The following FDFT1 variants were observed in gnomAD, a reference collection of about 807,000 sequenced individuals.
FDFT1 encodes the protein farnesyl-diphosphate farnesyltransferase 1.
A neutral mutation model predicts 46.8 loss-of-function variants in FDFT1; 68 were observed. That is an observed-to-expected ratio of 1.45 (90% confidence interval 1.19 to 1.78). The LOEUF is 1.78. Among genes scored for constraint, FDFT1 ranks in the 40% most tolerant of loss-of-function variants. FDFT1 has a pLI of 0.00. For missense variants in FDFT1, 928 were observed against 524.4 expected (o/e 1.77, Z -7.52); for synonymous variants, 351 against 185.1 (o/e 1.90, Z -7.28).
chr8:11,823,650 C>G (rs1188548179), intron 4 of FDFT1, among the ~76,000 whole-genome samples: 2 of 152,168 alleles, frequency 1.3e-5, no homozygotes, highest in East Asian at 3.8e-4. Context: ...ACAAGGCAGC[C>G]TTGACCTTCT....
Position 11,837,001 on chromosome 8 carries a change from CGT to C in FDFT1, c.1033-1386_1033-1385del, listed in dbSNP as rs760745977. ...GAAAACTACAGATGGTCCATTTCCA[CGT>C]AAGTGGAAAGGTAAAGGTATGTACA... On this transcript the variant is annotated intron_variant, in intron 7 of 7. Coordinates refer to ENST00000220584, the MANE Select transcript of FDFT1 (RefSeq NM_004462.5). 8.9e-3 allele frequency among the ~76,000 whole-genome samples: 1,354 copies of C among 152,322 alleles called. 14 individuals carry two copies. The highest frequency in any genetic ancestry group is 0.031 in the Middle Eastern group (9 of 294).
At chr8:11,795,591 C>G (rs980695888) in exon 1 of FDFT1, 5 of 129,248 alleles carry the variant, frequency 3.9e-5, no homozygotes, top group Admixed American at 1.6e-4. Context: ...TGGCAACACG[C>G]TGGGTTTGCT....
At chr8:11,807,612 T>A (rs1481261383) in intron 1 of FDFT1, among the ~76,000 whole-genome samples, 2 of 152,214 alleles carry the variant, frequency 1.3e-5, no homozygotes, top group Non-Finnish European at 2.9e-5. Flanking sequence ...AAAAAATACA[T>A]AGTACAAACA....
At chr8:11,832,661 C>T (rs76237518) in intron 7 of FDFT1, among the ~76,000 whole-genome samples, 5,502 of 150,846 alleles carry the variant, frequency 0.036, 253 homozygotes, top group East Asian at 0.27. Flanking sequence ...ATTTGCTCCC[C>T]TCCCCCCAGA....
intron 1 of FDFT1, 57 bp from the exon 2 acceptor site, chr8:11,808,737 C>G (rs1014219577): frequency 2.3e-5 from 35 of 1,553,960 alleles, no homozygotes; most frequent in Admixed American, 7.3e-5. Context: ...CTCCCACTCC[C>G]ACTCCCACTC....
Position 11,826,117 on chromosome 8 carries a change from G to C in FDFT1, c.604G>C (p.Glu202Gln), listed in dbSNP as rs1470281914. Residue 202 changes from glutamate to glutamine, a missense_variant, in exon 5 of 8, where the codon GAA (glutamate) becomes CAA (glutamine). Transcript: ENST00000220584. ...AGACCCCTTAGTTGGTGAAGATACA[G>C]AACGTGCCAACTCTATGGGCCTGTT... ...FEDPLVGEDTERANSMGLFLQ... is the reference protein window; with the variant it reads ...FEDPLVGEDTQRANSMGLFLQ... 1.2e-6 allele frequency: 2 copies of C among 1,610,116 alleles called. No individual in the cohort carries two copies. Among genetic ancestry groups the C allele is most frequent in the Non-Finnish European group, 1.7e-6 (2 of 1,177,080 alleles).
At chr8:11,822,115 T>C (rs1449712203) in intron 4 of FDFT1, among the ~76,000 whole-genome samples, 1 of 152,216 alleles carries the variant, frequency 6.6e-6, no homozygotes, top group African/African-American at 2.4e-5. Flanking sequence ...AGTGCTTATC[T>C]AGACAAAGGG....
intron 5 of FDFT1, among the ~76,000 whole-genome samples, chr8:11,829,424 G>GGT (rs1431680741): frequency 6.6e-6 from 1 of 152,174 alleles, no homozygotes; most frequent in Non-Finnish European, 1.5e-5. Context: ...GATCCAGGGA[G>GGT]GTGTAATACA....
rs183082698 is a variant in FDFT1 at position 11,834,952 on chromosome 8, T to A, written c.1032+3282T>A. Among the ~76,000 whole-genome samples, 410 of 152,284 alleles carry A rather than the reference T, an allele frequency of 2.7e-3. 5 individuals are homozygous for A. The highest frequency in any genetic ancestry group is 9.5e-3 in the African/African-American group (393 of 41,556). Reference sequence around the variant, plus strand: ...CAGCCTGGCCAATATGGCAAAACCCTGTCTCTACTAAAAATACAACATTTA... The same window carrying A: ...CAGCCTGGCCAATATGGCAAAACCCAGTCTCTACTAAAAATACAACATTTA... On this transcript the variant is annotated intron_variant, in intron 7 of 7. Transcript: ENST00000220584.
chr8:11,808,825 A>G lies in FDFT1; in HGVS notation c.131A>G (p.Tyr44Cys), dbSNP rs1198456706. 1.2e-6 allele frequency: 2 copies of G among 1,613,860 alleles called. No individual in the cohort carries two copies. The highest frequency in any genetic ancestry group is 2.2e-5 in the East Asian group (1 of 44,872). ...DSLSSSLKTC[Y>C]KYLNQTSRSF... is the part of the protein sequence containing the mutation. ...CTCAGCAGCAGCCTGAAAACTTGCT[A>G]CAAGTATCTCAATCAGACCAGTCGC... The change falls in exon 2 of 8, where the codon TAC becomes TGC. Residue 44 changes from tyrosine (Y) to cysteine (C), a missense_variant. Physicochemically the swap from Tyr to Cys is radical, Grantham distance 194 (BLOSUM62 -2). Coordinates refer to ENST00000220584, the MANE Select transcript of FDFT1 (RefSeq NM_004462.5).
chr8:11,831,013 C>T (rs1340846290), intron 6 of FDFT1, among the ~76,000 whole-genome samples: 2 of 152,260 alleles, frequency 1.3e-5, no homozygotes, highest in East Asian at 1.9e-4. Context: ...TCTGTATCGC[C>T]GTCTTATGTT....
chr8:11,813,563 G>T (rs561646063), intron 3 of FDFT1, among the ~76,000 whole-genome samples: 1 of 152,168 alleles, frequency 6.6e-6, no homozygotes, highest in African/African-American at 2.4e-5. Context: ...AATGAATCTG[G>T]AAGGTCTGGC....
upstream of FDFT1, among the ~76,000 whole-genome samples, chr8:11,797,359 G>C (rs746039306): frequency 6.6e-6 from 1 of 152,204 alleles, no homozygotes; most frequent in Non-Finnish European, 1.5e-5. Flanking sequence ...AAGTCAGACT[G>C]AGGGAGCTGG....
chr8:11,820,310 C>T (rs1249951726), intron 3 of FDFT1, among the ~76,000 whole-genome samples: 1 of 152,164 alleles, frequency 6.6e-6, no homozygotes, highest in Non-Finnish European at 1.5e-5. Context: ...GCTCAGGGAC[C>T]CACTTGAGGA....
In FDFT1 at chr8:11,809,920, C is replaced by T. The variant is rs1585884784; in HGVS notation, c.381+70C>T. The T allele has an allele frequency of 5.0e-6, 6 of 1,202,188 alleles. No homozygotes were observed. In the East Asian group the frequency reaches 9.7e-5, roughly 19 times the overall value. The allele number at this position is 1,202,188 out of a possible 1,614,324, so 74.5% of individuals were successfully genotyped here. ...ATTGCTAACGTGGTTGTCCGGTAGC[C>T]TCCATACATGTGGAGAAAGGTTAAA... On this transcript the variant is annotated intron_variant, in intron 3 of 7. Transcript: ENST00000220584.
rs1264434600 is a variant in FDFT1 at position 11,818,712 on chromosome 8, C to A, written c.382-3038C>A. On this transcript the variant is annotated intron_variant, in intron 3 of 7. Coordinates refer to ENST00000220584, the MANE Select transcript of FDFT1 (RefSeq NM_004462.5). ...TGCTTTTTTTTTTCGCTTGGTAGATCTTCCTCCAGCTGTTTATTTTGAGCC... is the reference window on the plus strand; with the variant it reads ...TGCTTTTTTTTTTCGCTTGGTAGATATTCCTCCAGCTGTTTATTTTGAGCC... 3.3e-5 allele frequency among the ~76,000 whole-genome samples: 5 copies of A among 150,816 alleles called. No individual in the cohort carries two copies. In the South Asian group the frequency reaches 8.3e-4, roughly 25 times the overall value.
chr8:11,838,007 C>CT (rs569371869), intron 7 of FDFT1, among the ~76,000 whole-genome samples: 1 of 152,208 alleles, frequency 6.6e-6, no homozygotes, highest in Admixed American at 6.5e-5. Context: ...TTTGCCCAGT[C>CT]TTTCCAGCAT....
At chr8:11,823,981 A>C (rs955880858) in intron 4 of FDFT1, among the ~76,000 whole-genome samples, 8 of 152,172 alleles carry the variant, frequency 5.3e-5, no homozygotes, top group Admixed American at 1.3e-4. Flanking sequence ...CCTGGGCTCA[A>C]GCGATTCACC....
At chr8:11,831,712 T>A in intron 7 of FDFT1, 42 bp downstream of exon 7, 1 of 1,510,934 alleles carries the variant, frequency 6.6e-7, no homozygotes, top group South Asian at 1.1e-5. Flanking sequence ...GTAGCTACTT[T>A]TATGATTTAG....
Sources: allele counts gnomAD v4.1 joint callset (sites outside exome capture counted in the v4.1 genomes callset), GRCh38; gene constraint gnomAD v4.1.1; transcripts MANE v1.5; gene names NCBI Gene and HGNC (gene_info 2026-07-23, HGNC 2026-07-21).